The following SELENON variants were observed in gnomAD, a reference collection of about 807,000 sequenced individuals.
SELENON encodes selenoprotein N, 1.
SELENON carries 44 observed loss-of-function variants against 59.5 expected under a neutral mutation model. The ratio of observed to expected loss-of-function variants is 0.74; its 90% CI spans 0.58 to 0.95. The LOEUF (loss-of-function observed/expected upper bound fraction) is 0.95, where lower values mean the gene tolerates loss of function less well. Ranked by LOEUF, SELENON falls within the 40% of genes least tolerant of loss-of-function variation. SELENON has a pLI of 0.00. For synonymous variants in SELENON, 320 were observed against 305.6 expected (o/e 1.05, Z -0.49); for missense variants, 674 against 721.4 (o/e 0.93, Z 0.75).
At chr1:25,812,501 A>G (rs1414564159) in intron 9 of SELENON, among the ~76,000 whole-genome samples, 186 bp from the exon 9 acceptor site, 1 of 151,928 alleles carries the variant, frequency 6.6e-6, no homozygotes, top group Non-Finnish European at 1.5e-5. Flanking sequence ...ATACACAAAC[A>G]TATATACACA....
At chr1:25,812,891 T>C in intron 10 of SELENON, 99 bp downstream of exon 9, 1 of 947,582 alleles carries the variant, frequency 1.1e-6, no homozygotes, top group Non-Finnish European at 1.6e-6. Flanking sequence ...TGTTGAGTTG[T>C]GAGGGCCTCA....
chr1:25,808,510 A>AC (rs909072517), intron 4 of SELENON, 70 bp from the exon 4 acceptor site: 21 of 1,575,948 alleles, frequency 1.3e-5, no homozygotes, highest in Non-Finnish European at 1.7e-5. Context: ...GGAGACCTCC[A>AC]CCCACATGGT....
intron 6 of SELENON, 28 bp downstream of exon 5, chr1:25,809,178 A>G: frequency 6.2e-7 from 1 of 1,613,140 alleles, no homozygotes; most frequent in Non-Finnish European, 8.5e-7. Context: ...GCTGGCCTGG[A>G]GCACCGGGGA....
Position 25,800,324 on chromosome 1 carries a change from G to C in SELENON, c.94G>C (p.Ala32Pro). 3.0e-6 allele frequency: 3 copies of C among 1,008,618 alleles called. No individual in the cohort carries two copies. Among genetic ancestry groups the C allele is most frequent in the East Asian group, 1.1e-4 (1 of 9,508 alleles). 62.5% of individuals were successfully genotyped at this position (1,008,618 alleles called of 1,614,324 possible). ...ACCGCGCCGCCGCGCCCGTTCCCTG[G>C]CGCTGCTCGGAGCCCTGCTGGCCGC... Residue 32 changes from alanine to proline, a missense_variant, in exon 1 of 13, where the codon GCG (alanine) becomes CCG (proline). By Grantham distance (27) the Ala-to-Pro change is conservative. Transcript: ENST00000361547.
chr1:25,809,707 T>C lies in SELENON; in HGVS notation c.897T>C (p.Ser299=), dbSNP rs1243423026. 2 of 1,614,050 alleles carry C rather than the reference T, an allele frequency of 1.2e-6. No individual in the cohort carries two copies. The highest frequency in any genetic ancestry group is 1.1e-5 in the South Asian group (1 of 91,088). Residue 299 remains serine (S), a synonymous_variant, in exon 7 of 13, where the codon AGT becomes AGC. Coordinates refer to ENST00000361547, the MANE Select transcript of SELENON (RefSeq NM_020451.3). ...GGATCCATGCCGAGTTCCAGCTCAG[T>C]GAGCCGCCCGACTTCCCCTTTTGGT...
intron 7 of SELENON, 130 bp from the exon 7 acceptor site, chr1:25,811,324 A>AGGTG (rs1323837449): frequency 1.2e-6 from 1 of 852,618 alleles, no homozygotes; most frequent in Non-Finnish European, 2.0e-6. Flanking sequence ...CTCTGAGAGC[A>AGGTG]GGTGTTCACC....
At position 25,812,694 on chromosome 1, in the gene SELENON, A is replaced by C; in HGVS notation, c.1289A>C (p.Tyr430Ser). The change falls in exon 10 of 13, where the codon TAC becomes TCC. Residue 430 changes from tyrosine (Y) to serine (S), a missense_variant. Physicochemically the swap from Tyr to Ser is moderately radical, Grantham distance 144. Coordinates refer to ENST00000361547, the MANE Select transcript of SELENON (RefSeq NM_020451.3). ...GTCTCGGTGTGGCCCCAGGTCTCCT[A>C]CTTGCCGTTCACTGAGGCCTTCGAC... 1 of 1,611,020 alleles carries C rather than the reference A, an allele frequency of 6.2e-7. No homozygotes were observed. Among genetic ancestry groups the C allele is most frequent in the East Asian group, 2.2e-5 (1 of 44,838 alleles).
Position 25,812,721 on chromosome 1 carries a change from G to GA in SELENON, c.1317dup (p.Ala440SerfsTer?). On this transcript the variant is annotated frameshift_variant, in exon 10 of 13. Coordinates refer to ENST00000361547, the MANE Select transcript of SELENON (RefSeq NM_020451.3). LOFTEE classifies it high-confidence loss of function. ...TTGCCGTTCACTGAGGCCTTCGACC[G>GA]AGCCAAGGCTGAGAACAAGCTGGTG... 6.2e-7 allele frequency: 1 copy of GA among 1,612,972 alleles called. No individual in the cohort carries two copies. Among genetic ancestry groups the GA allele is most frequent in the South Asian group, 1.1e-5 (1 of 90,858 alleles).
chr1:25,800,201 G>GGCCGCCGGCAGCC lies in SELENON; in HGVS notation c.-23_-11dup, dbSNP rs2047846536. On this transcript the variant is annotated 5_prime_UTR_variant, in exon 1 of 13. Transcript: ENST00000361547. ...CCCCGCCCCGCTCTTTCGCTTCCCG[G>GGCCGCCGGCAGCC]GCCGCCGGCAGCCGCCGCCAGCCGC... 3 of 455,314 alleles carry GGCCGCCGGCAGCC rather than the reference G, an allele frequency of 6.6e-6. No homozygotes were observed. The highest frequency in any genetic ancestry group is 1.3e-4 in the Admixed American group (2 of 14,998). 28.2% of individuals were successfully genotyped at this position (455,314 alleles called of 1,614,324 possible).
chr1:25,803,027 AGAG>A (rs1402325467), intron 3 of SELENON, among the ~76,000 whole-genome samples: 1 of 152,258 alleles, frequency 6.6e-6, no homozygotes, highest in Non-Finnish European at 1.5e-5. Flanking sequence ...GATCACTGCT[AGAG>A]GAGGAAGGTT....
At chr1:25,804,137 T>C (rs2047882705) in intron 3 of SELENON, among the ~76,000 whole-genome samples, 1 of 152,206 alleles carries the variant, frequency 6.6e-6, no homozygotes, top group Admixed American at 6.5e-5. Context: ...CCTCATTGAC[T>C]TACAAATACA....
intron 4 of SELENON, among the ~76,000 whole-genome samples, chr1:25,805,620 C>T (rs1045639127): frequency 1.3e-5 from 2 of 151,612 alleles, no homozygotes; most frequent in East Asian, 1.9e-4. Context: ...TTAGTGCAGC[C>T]GCCCCACATA....
intron 7 of SELENON, 92 bp downstream of exon 6, chr1:25,809,912 C>A: frequency 6.6e-7 from 1 of 1,510,442 alleles, no homozygotes; most frequent in Non-Finnish European, 9.1e-7. Context: ...TCTGTCTCTG[C>A]CCCTTCCTTT....
At chr1:25,808,542 T>G (rs759716967) in intron 4 of SELENON, 38 bp from the exon 4 acceptor site, 3 of 1,605,978 alleles carry the variant, frequency 1.9e-6, no homozygotes, top group Non-Finnish European at 2.6e-6. Flanking sequence ...CGGAGTCAGG[T>G]TCTCAGATTC....
chr1:25,800,624 G>A (rs184215008), intron 1 of SELENON, among the ~76,000 whole-genome samples: 10 of 152,086 alleles, frequency 6.6e-5, no homozygotes, highest in Admixed American at 1.3e-4. Flanking sequence ...ACGGAGGCCA[G>A]TGTGGGGCTG....
chr1:25,814,071 C>T lies in SELENON; in HGVS notation c.1501-6C>T, dbSNP rs761480873. ...CGGCATCAGGAGTGTGCAACTGTCC[C>T]CACAGAACAACCAGGAGAACTCGTC... On this transcript the variant is annotated splice_polypyrimidine_tract_variant and splice_region_variant and intron_variant, in intron 11 of 12. Coordinates refer to ENST00000361547, the MANE Select transcript of SELENON (RefSeq NM_020451.3). The T allele has an allele frequency of 1.9e-6, 3 of 1,613,732 alleles. No individual in the cohort carries two copies. The highest frequency in any genetic ancestry group is 2.2e-5 in the South Asian group (2 of 91,066).
chr1:25,808,850 T>C, intron 5 of SELENON, 61 bp downstream of exon 4: 1 of 1,596,944 alleles, frequency 6.3e-7, no homozygotes, highest in South Asian at 1.1e-5. Context: ...TGGCCACCCC[T>C]CTGTCTGCGC....
rs10902683 is a variant in SELENON at position 25,801,816 on chromosome 1, C to T, written c.302-200C>T. Among the ~76,000 whole-genome samples, 130,956 of 152,204 alleles carry T rather than the reference C, an allele frequency of 0.86. 56,874 individuals carry two copies. Among genetic ancestry groups the T allele is most frequent in the East Asian group, 0.98 (5,074 of 5,186 alleles). On this transcript the variant is annotated intron_variant, in intron 2 of 12. Transcript: ENST00000361547. ...TGTCATGATCCCCATGTTTAATAGTCTGAGAGACTAAGGCACAGGCAGGCT... is the reference window on the plus strand; with the variant it reads ...TGTCATGATCCCCATGTTTAATAGTTTGAGAGACTAAGGCACAGGCAGGCT...
rs1401360307 is a variant in SELENON, at chr1:25,814,268, A to T, written c.1602+90A>T. 1.9e-5 allele frequency: 18 copies of T among 958,076 alleles called. No homozygotes were observed. In the East Asian group the frequency reaches 4.7e-4, roughly 25 times the overall value. The allele number at this position is 958,076 out of a possible 1,614,324, so 59.3% of individuals were successfully genotyped here. ...GAGGCGTGGATGTGCAGACTTCATC[A>T]GGCTTCGGGACTGTCCCTGCCACTT... On this transcript the variant is annotated intron_variant, in intron 12 of 12. Transcript: ENST00000361547.
Sources: gnomAD v4.1 joint callset for allele counts (sites outside exome capture counted in the v4.1 genomes callset) on GRCh38, gnomAD v4.1.1 for gene constraint, MANE v1.5 for transcripts, NCBI Gene and HGNC (gene_info 2026-07-23, HGNC 2026-07-21) for gene names.